DCLK1: variants seen among roughly 807,000 people sequenced by gnomAD.
The protein encoded by DCLK1 is serine/threonine-protein kinase DCLK1.
In DCLK1, 16 loss-of-function variants were observed where a neutral mutation model predicts 86.2. The ratio of observed to expected loss-of-function variants is 0.19; its 90% confidence interval spans 0.13 to 0.28. The LOEUF is 0.28. DCLK1 is among the 10% of genes least tolerant of loss of function. The pLI is 1.00. For synonymous variants in DCLK1, 369 were observed against 370.5 expected, an observed-to-expected ratio of 1.00 and a Z score of 0.05; for missense variants, 590 against 940.2, an observed-to-expected ratio of 0.63 and a Z score of 4.87.
intron 3 of DCLK1, among the ~76,000 whole-genome samples, chr13:36,040,063 C>T (rs1475989767): frequency 2.0e-5 from 3 of 151,454 alleles, no homozygotes; most frequent in Non-Finnish European, 4.4e-5. Flanking sequence ...AAAGTGAGAC[C>T]TTAAACTGTA....
chr13:36,097,714 A>G (rs1394796619), intron 3 of DCLK1, among the ~76,000 whole-genome samples: 1 of 152,150 alleles, frequency 6.6e-6, no homozygotes, highest in Non-Finnish European at 1.5e-5. Flanking sequence ...TAACCCTTTT[A>G]ACAGGGTAGT....
intron 4 of DCLK1, among the ~76,000 whole-genome samples, chr13:35,945,887 T>C (rs192268146): frequency 6.6e-6 from 1 of 152,348 alleles, no homozygotes; most frequent in Admixed American, 6.5e-5. Context: ...AAACCACTTG[T>C]CTAGTTATGG....
intron 3 of DCLK1, among the ~76,000 whole-genome samples, chr13:36,111,167 A>G (rs9531455): frequency 0.18 from 27,643 of 151,952 alleles, 3,065 homozygotes; most frequent in East Asian, 0.44. Flanking sequence ...CTCACCATCA[A>G]GGTTCTGTCA....
At chr13:35,845,865 T>C (rs749566215) in intron 6 of DCLK1, 95 of 950,628 alleles carry the variant, frequency 1.0e-4, no homozygotes, top group East Asian at 1.2e-4. Flanking sequence ...TGTCTACTTA[T>C]CAAATTTTCT....
chr13:35,847,526 A>C, intron 6 of DCLK1: 1 of 984,986 alleles, frequency 1.0e-6, no homozygotes, highest in South Asian at 4.7e-5. Flanking sequence ...GCAGTCCAAG[A>C]ATTAAAATAT....
chr13:35,808,875 C>A, intron 13 of DCLK1, 143 bp downstream of exon 13: 5 of 547,554 alleles, frequency 9.1e-6, no homozygotes, highest in South Asian at 3.8e-5. Context: ...CATGACATAA[C>A]AGGGAAAAAA....
At chr13:36,024,517 T>A (rs1881951615) in intron 3 of DCLK1, among the ~76,000 whole-genome samples, 1 of 152,064 alleles carries the variant, frequency 6.6e-6, no homozygotes, top group Non-Finnish European at 1.5e-5. Flanking sequence ...TAGAAATAAA[T>A]TTAACTAAAG....
chr13:35,939,875 G>A (rs1876983012), intron 4 of DCLK1, among the ~76,000 whole-genome samples: 1 of 152,048 alleles, frequency 6.6e-6, no homozygotes, highest in Admixed American at 6.6e-5. Context: ...TCTGTCTATT[G>A]CAAATCACTA....
intron 3 of DCLK1, among the ~76,000 whole-genome samples, chr13:36,038,320 G>A (rs906625170): frequency 6.6e-6 from 1 of 152,150 alleles, no homozygotes; most frequent in African/African-American, 2.4e-5. Context: ...GAGATGGTTC[G>A]GTCTTCCAGA....
At chr13:36,078,981 A>G (rs1475585281) in intron 3 of DCLK1, among the ~76,000 whole-genome samples, 1 of 151,920 alleles carries the variant, frequency 6.6e-6, no homozygotes, top group African/African-American at 2.4e-5. Context: ...TCAGAAAAGG[A>G]GCTCTGCAGT....
At chr13:35,877,940 C>T (rs189495853) in intron 4 of DCLK1, among the ~76,000 whole-genome samples, 8 of 152,326 alleles carry the variant, frequency 5.3e-5, no homozygotes, top group Admixed American at 5.2e-4. Flanking sequence ...CAATAAGTTG[C>T]CCCTACATGT....
chr13:35,821,036 G>A (rs1401907586), intron 11 of DCLK1, among the ~76,000 whole-genome samples: 1 of 152,192 alleles, frequency 6.6e-6, no homozygotes, highest in East Asian at 1.9e-4. Context: ...TCTCCTTAAT[G>A]CAGAGCTTAC....
At chr13:35,915,345 G>A (rs1320793450) in intron 4 of DCLK1, among the ~76,000 whole-genome samples, 3 of 152,146 alleles carry the variant, frequency 2.0e-5, no homozygotes, top group Admixed American at 6.5e-5. Flanking sequence ...GTTACCAGCC[G>A]CAAAGGCTGT....
At chr13:36,005,906 A>C (rs1880930972) in intron 3 of DCLK1, among the ~76,000 whole-genome samples, 1 of 152,200 alleles carries the variant, frequency 6.6e-6, no homozygotes, top group South Asian at 2.1e-4. Flanking sequence ...TCAGCAAACA[A>C]ACACAGGAAC....
chr13:36,012,129 G>C (rs1290141547), intron 3 of DCLK1, among the ~76,000 whole-genome samples: 1 of 138,602 alleles, frequency 7.2e-6, no homozygotes, highest in Non-Finnish European at 1.5e-5. Context: ...GTCTCTGCAC[G>C]TGAGATGGGT....
chr13:36,004,118 G>T (rs921094787), intron 3 of DCLK1, among the ~76,000 whole-genome samples: 2 of 152,068 alleles, frequency 1.3e-5, no homozygotes, highest in African/African-American at 4.8e-5. Context: ...CTTAATATAG[G>T]CCTTTCCTTG....
chr13:35,975,213 G>A (rs549757335), intron 3 of DCLK1, among the ~76,000 whole-genome samples: 38 of 152,216 alleles, frequency 2.5e-4, no homozygotes, highest in Admixed American at 2.0e-4. Flanking sequence ...TGGTGTGGGC[G>A]AGGCAGAGGA....
chr13:36,047,940 A>T (rs1593845975), intron 3 of DCLK1, among the ~76,000 whole-genome samples: 1 of 152,298 alleles, frequency 6.6e-6, no homozygotes, highest in South Asian at 2.1e-4. Context: ...CGTGGGCGAC[A>T]GAGTGAGACC....
intron 6 of DCLK1, among the ~76,000 whole-genome samples, chr13:35,843,648 T>C (rs1461260046): frequency 6.6e-6 from 1 of 152,222 alleles, no homozygotes; most frequent in Middle Eastern, 3.2e-3. Flanking sequence ...ATTAAGAGAA[T>C]TGATCTAATC....
Sources: allele counts gnomAD v4.1 joint callset (sites outside exome capture counted in the v4.1 genomes callset), GRCh38; gene constraint gnomAD v4.1.1; transcripts MANE v1.5; gene names NCBI Gene and HGNC (gene_info 2026-07-23, HGNC 2026-07-21).